HTRA3: variants seen among roughly 807,000 people sequenced by gnomAD.
HTRA3 encodes serine protease HTRA3.
Under a neutral mutation model 43.2 loss-of-function variants are expected in HTRA3, and 41 were observed. The observed-to-expected ratio is 0.95, with a 90% CI of 0.74 to 1.23. The LOEUF is 1.23. Among genes scored for constraint, HTRA3 ranks in the 50% most tolerant of loss-of-function variants. The pLI, the probability that HTRA3 is intolerant of heterozygous loss-of-function variation, is 0.00. For synonymous variants in HTRA3, 295 were observed against 287.9 expected (o/e 1.02, Z -0.25); for missense variants, 628 against 647.1 (o/e 0.97, Z 0.32).
Position 8,291,543 on chromosome 4 carries a change from C to A in HTRA3, c.882C>A (p.Ile294=), listed in dbSNP as rs146579711. Residue 294 remains isoleucine, a synonymous_variant, in exon 4 of 9, where the codon ATC becomes ATA. Transcript: ENST00000307358. ...TCCGGGACTCCGACATGGACTACAT[C>A]CAGACGGATGCCATCATCAACGTGA... The part of the protein sequence containing the change: ...LGLRDSDMDY[I]QTDAIINYGN... 1 of 1,599,522 alleles carries A rather than the reference C, an allele frequency of 6.3e-7. No homozygotes were observed. Among genetic ancestry groups the A allele is most frequent in the East Asian group, 2.2e-5 (1 of 44,530 alleles).
intron 1 of HTRA3, among the ~76,000 whole-genome samples, chr4:8,276,298 C>G (rs962318128): frequency 6.6e-6 from 1 of 152,262 alleles, no homozygotes; most frequent in South Asian, 2.1e-4. Context: ...CAGTGGGACC[C>G]CCCTCACTGG....
intron 3 of HTRA3, among the ~76,000 whole-genome samples, chr4:8,288,887 TTCCTTCCGTCCG>T (rs748741749): frequency 0.1 from 13,024 of 124,352 alleles, 1,122 homozygotes; most frequent in Non-Finnish European, 0.14. Context: ...TTTTCCTTCC[TTCCTTCCGTCCG>T]TCCTTCCTTC....
rs999642859 is a variant in HTRA3, at chr4:8,286,500, G to T, written c.486-61G>T. On this transcript the variant is annotated intron_variant, in intron 2 of 8. Coordinates refer to ENST00000307358, the MANE Select transcript of HTRA3 (RefSeq NM_053044.5). The surrounding 1 kb of genome is among the most constrained non-coding windows in gnomAD (Gnocchi z 4.9). ...CCTCGCTGACCAGCCCCACCACTGC[G>T]CCTGACTCCCCCGCGTCCTAGCCCC... is the stretch of plus-strand genomic sequence containing the variant. The T allele has an allele frequency of 5.7e-6, 8 of 1,396,104 alleles. No homozygotes were observed. Among genetic ancestry groups the T allele is most frequent in the African/African-American group, 1.4e-5 (1 of 70,916 alleles). The allele number at this position is 1,396,104 out of a possible 1,614,324, so 86.5% of individuals were successfully genotyped here.
rs557222056 is a variant in HTRA3 at position 8,291,150 on chromosome 4, A to G, written c.709-220A>G. Among the ~76,000 whole-genome samples, 308 of 152,304 alleles carry G rather than the reference A, an allele frequency of 2.0e-3. 1 individual carries two copies. Among genetic ancestry groups the G allele is most frequent in the African/African-American group, 7.1e-3 (296 of 41,554 alleles). On this transcript the variant is annotated intron_variant, in intron 3 of 8. Coordinates refer to ENST00000307358, the MANE Select transcript of HTRA3 (RefSeq NM_053044.5). ...TGGGGGAACCTCTGGTCCCTGGCAC[A>G]GCTGAGCCTCTGTTCCGTGTACTCC...
chr4:8,283,916 G>C lies in HTRA3; in HGVS notation c.485+1380G>C, dbSNP rs566810702. ...GCACCGCCTCCCTGCTGGCTGGCTC[G>C]GCGCTTGTCTGGTCCAAGCCCCTGT... On this transcript the variant is annotated intron_variant, in intron 2 of 8. Coordinates refer to ENST00000307358, the MANE Select transcript of HTRA3 (RefSeq NM_053044.5). Among the ~76,000 whole-genome samples, 5 of 152,262 alleles carry C rather than the reference G, an allele frequency of 3.3e-5. No individual in the cohort carries two copies. The South Asian group carries it at 6.2e-4, about 19-fold the overall frequency.
chr4:8,285,237 C>T (rs902127692), intron 2 of HTRA3, among the ~76,000 whole-genome samples: 12 of 152,230 alleles, frequency 7.9e-5, no homozygotes, highest in South Asian at 2.1e-4. Context: ...TTCACAGTCA[C>T]ATGGGGTTAG....
In HTRA3 at chr4:8,296,142, G is replaced by A. The variant is rs138007215; in HGVS notation, c.1051+1941G>A. The A allele has an allele frequency of 5.7e-5, 57 of 993,890 alleles. No homozygotes were observed. The African/African-American group carries it at 9.9e-4, about 17-fold the overall frequency. The allele number at this position is 993,890 out of a possible 1,614,324, so 61.6% of individuals were successfully genotyped here. A position where few individuals can be genotyped will look rare whatever the true frequency, so the allele number is the denominator to read the frequency against. On this transcript the variant is annotated intron_variant, in intron 6 of 8. Transcript: ENST00000307358. This position sits in a 1 kb window ranked among gnomAD's most constrained non-coding sequence, Gnocchi z 5.3. Reference sequence around the variant, plus strand: ...AGCGGAGCTGCTGTTTGCACACACTGAGCTGTGAGGTGGCTTTCCTTGGAA... The same window carrying A: ...AGCGGAGCTGCTGTTTGCACACACTAAGCTGTGAGGTGGCTTTCCTTGGAA...
intron 8 of HTRA3, among the ~76,000 whole-genome samples, chr4:8,304,585 C>T (rs1158502867): frequency 6.6e-6 from 1 of 150,678 alleles, no homozygotes; most frequent in African/African-American, 2.5e-5. Flanking sequence ...CAGCCTGGGT[C>T]CTGGGTCTTT....
chr4:8,271,150 G>C (rs1421962939), intron 1 of HTRA3, among the ~76,000 whole-genome samples: 1 of 152,138 alleles, frequency 6.6e-6, no homozygotes, highest in Admixed American at 6.5e-5. Context: ...TGCCAGAACA[G>C]GCTCCGTGGA....
chr4:8,285,005 A>G (rs1041075149), intron 2 of HTRA3, among the ~76,000 whole-genome samples: 4 of 151,848 alleles, frequency 2.6e-5, no homozygotes, highest in Non-Finnish European at 5.9e-5. Context: ...CTTCTGGGGG[A>G]TGTTGGGGGA....
chr4:8,295,311 C>A lies in HTRA3; in HGVS notation c.1051+1110C>A, dbSNP rs1239638434. Among the ~76,000 whole-genome samples, 1 of 152,146 alleles carries A rather than the reference C, an allele frequency of 6.6e-6. No homozygotes were observed. Among genetic ancestry groups the A allele is most frequent in the African/African-American group, 2.4e-5 (1 of 41,426 alleles). ...AGGGGAGCAGAGTCCAATACCTCGT[C>A]TTTGGAAGTCACCCTCCTCCAAGCC... On this transcript the variant is annotated intron_variant, in intron 6 of 8. Coordinates refer to ENST00000307358, the MANE Select transcript of HTRA3 (RefSeq NM_053044.5). This position sits in a 1 kb window ranked among gnomAD's most constrained non-coding sequence, Gnocchi z 6.9.
intron 7 of HTRA3, 39 bp from the exon 8 acceptor site, chr4:8,304,145 A>G: frequency 1.3e-6 from 2 of 1,558,590 alleles, no homozygotes; most frequent in Non-Finnish European, 8.8e-7. Flanking sequence ...AGCTGGGCAA[A>G]GGCTCAGGGG....
chr4:8,302,722 T>C (rs890884964), intron 7 of HTRA3, among the ~76,000 whole-genome samples: 1 of 152,266 alleles, frequency 6.6e-6, no homozygotes, highest in Non-Finnish European at 1.5e-5. Context: ...TTCAGGACGC[T>C]ATCTCTTTCC....
intron 6 of HTRA3, among the ~76,000 whole-genome samples, chr4:8,300,516 A>C (rs114900243): frequency 0.012 from 1,766 of 152,322 alleles, 27 homozygotes; most frequent in African/African-American, 0.041. Context: ...ATTCATTGAC[A>C]TCAAGTTGTT....
chr4:8,285,060 T>C (rs1475457918), intron 2 of HTRA3, among the ~76,000 whole-genome samples: 1 of 152,122 alleles, frequency 6.6e-6, no homozygotes, highest in Non-Finnish European at 1.5e-5. Flanking sequence ...CCGCAGTCCT[T>C]GGTACGCCTC....
chr4:8,294,057 A>G (rs1486419459), intron 5 of HTRA3, 30 bp from the exon 6 acceptor site: 6 of 1,520,326 alleles, frequency 3.9e-6, no homozygotes, highest in South Asian at 1.2e-5. Flanking sequence ...GGTTCCCCCA[A>G]CTGATGCCTG....
intron 2 of HTRA3, among the ~76,000 whole-genome samples, chr4:8,284,575 C>T (rs80319754): frequency 0.069 from 10,455 of 152,288 alleles, 923 homozygotes; most frequent in African/African-American, 0.2. Context: ...TTTCTGCAGA[C>T]CCCGCAGGTG....
At chr4:8,298,954 C>T (rs1372004372) in intron 6 of HTRA3, among the ~76,000 whole-genome samples, 1 of 152,144 alleles carries the variant, frequency 6.6e-6, no homozygotes, top group Non-Finnish European at 1.5e-5. Context: ...GTGTGGACTC[C>T]TCAGACCCTT....
At chr4:8,271,238 G>C (rs549310379) in intron 1 of HTRA3, among the ~76,000 whole-genome samples, 1 of 152,226 alleles carries the variant, frequency 6.6e-6, no homozygotes, top group African/African-American at 2.4e-5. Flanking sequence ...TTTTTTCTGC[G>C]GTCCGCTGAA....
Sources: allele counts gnomAD v4.1 joint callset (sites outside exome capture counted in the v4.1 genomes callset), GRCh38; gene constraint gnomAD v4.1.1; non-coding constraint Gnocchi (gnomAD v3.1); transcripts MANE v1.5; gene names NCBI Gene and HGNC (gene_info 2026-07-23, HGNC 2026-07-21).